DPP10: variants seen among roughly 807,000 people sequenced by gnomAD.
DPP10 encodes dipeptidyl peptidase like 10, also known as inactive dipeptidyl peptidase 10.
In DPP10, 33 loss-of-function variants were observed where a neutral mutation model predicts 120.9. The observed-to-expected ratio is 0.27, with a 90% CI of 0.21 to 0.37. The LOEUF (loss-of-function observed/expected upper bound fraction) is 0.37. Among genes scored for constraint, DPP10 ranks in the 10% least tolerant of loss-of-function variants. The pLI, the probability that DPP10 is intolerant of heterozygous loss-of-function variation, is 1.00. For synonymous variants in DPP10, 337 were observed against 326.1 expected (o/e 1.03, Z -0.36); for missense variants, 816 against 942.8 (o/e 0.87, Z 1.76).
At chr2:115,377,950 C>T (rs1236698370) in intron 3 of DPP10, among the ~76,000 whole-genome samples, 6 of 151,914 alleles carry the variant, frequency 3.9e-5, no homozygotes, top group African/African-American at 1.2e-4. Context: ...GTTTTGGTTA[C>T]TGTAGCCTTG....
At chr2:115,445,366 G>A (rs1222539457) in intron 3 of DPP10, among the ~76,000 whole-genome samples, 3 of 152,044 alleles carry the variant, frequency 2.0e-5, no homozygotes, top group African/African-American at 7.2e-5. Flanking sequence ...CAGTTGGGAG[G>A]GCTCAGAAGA....
At chr2:115,517,935 G>C (rs1558787396) in intron 4 of DPP10, among the ~76,000 whole-genome samples, 2 of 152,168 alleles carry the variant, frequency 1.3e-5, no homozygotes, top group African/African-American at 4.8e-5. Context: ...CGAAAAGCAT[G>C]GCCCTGGCAT....
At chr2:114,950,047 T>C (rs1047920788) in intron 1 of DPP10, among the ~76,000 whole-genome samples, 10 of 152,210 alleles carry the variant, frequency 6.6e-5, no homozygotes, top group Non-Finnish European at 1.3e-4. Flanking sequence ...AAAAAAACTG[T>C]TGAATAATAT....
At chr2:115,742,836 A>T (rs1677458216) in intron 9 of DPP10, among the ~76,000 whole-genome samples, 2 of 152,152 alleles carry the variant, frequency 1.3e-5, no homozygotes, top group Non-Finnish European at 2.9e-5. Flanking sequence ...GAAAATGAGT[A>T]TAGCAAATAC....
intron 1 of DPP10, among the ~76,000 whole-genome samples, chr2:114,750,534 C>A (rs148181143): frequency 6.6e-6 from 1 of 152,210 alleles, no homozygotes; most frequent in Non-Finnish European, 1.5e-5. Flanking sequence ...GGGGTTTCAC[C>A]GTGTTAGCCA....
intron 1 of DPP10, among the ~76,000 whole-genome samples, chr2:115,237,581 G>A (rs950805094): frequency 2.0e-5 from 3 of 152,138 alleles, no homozygotes; most frequent in Non-Finnish European, 4.4e-5. Flanking sequence ...CATGTCAATA[G>A]CCAAGACAGG....
chr2:115,726,590 A>AT (rs2092770597), intron 7 of DPP10, among the ~76,000 whole-genome samples: 1 of 152,004 alleles, frequency 6.6e-6, no homozygotes, highest in Admixed American at 6.6e-5. Flanking sequence ...GTTTTTATTT[A>AT]TTTTTAAATT....
intron 5 of DPP10, among the ~76,000 whole-genome samples, chr2:115,598,860 C>T (rs4849412): frequency 0.99 from 147,082 of 148,844 alleles, 72,698 homozygotes; most frequent in East Asian, 1. Context: ...GTAGGTTTGA[C>T]AGAAATAAAT....
At chr2:115,509,819 C>T (rs184696280) in intron 4 of DPP10, among the ~76,000 whole-genome samples, 2 of 152,286 alleles carry the variant, frequency 1.3e-5, no homozygotes, top group East Asian at 3.9e-4. Context: ...GATTTGCCTT[C>T]CTAGCAATGG....
chr2:114,611,604 T>G (rs764372176), intron 1 of DPP10, among the ~76,000 whole-genome samples: 1 of 152,234 alleles, frequency 6.6e-6, no homozygotes, highest in South Asian at 2.1e-4. Context: ...AAAATATTTA[T>G]GCCAATGGAT....
At chr2:115,794,720 C>G (rs1239647524) in intron 19 of DPP10, among the ~76,000 whole-genome samples, 1 of 152,054 alleles carries the variant, frequency 6.6e-6, no homozygotes, top group Non-Finnish European at 1.5e-5. Context: ...TGTTTTACTC[C>G]TGCCTTTCTG....
intron 5 of DPP10, among the ~76,000 whole-genome samples, chr2:115,646,309 C>G (rs2087252114): frequency 6.6e-6 from 1 of 152,090 alleles, no homozygotes; most frequent in Admixed American, 6.6e-5. Context: ...CATGTTCTAC[C>G]TAGAGCTTTA....
chr2:114,556,718 A>G (rs143521594), intron 1 of DPP10, among the ~76,000 whole-genome samples: 4 of 152,268 alleles, frequency 2.6e-5, no homozygotes, highest in African/African-American at 9.6e-5. Context: ...GTTCTGGGAC[A>G]TTTTCAGATT....
intron 1 of DPP10, chr2:114,833,429 T>C (rs1687319915): frequency 6.6e-6 from 1 of 152,192 alleles, no homozygotes; most frequent in African/African-American, 2.4e-5. Flanking sequence ...ATTAAATTAT[T>C]TCTCTTGAAT....
intron 5 of DPP10, among the ~76,000 whole-genome samples, chr2:115,665,089 T>A (rs1031102845): frequency 1.7e-4 from 26 of 152,214 alleles, no homozygotes; most frequent in African/African-American, 5.8e-4. Context: ...TACAGTTCCC[T>A]GGCATCTTGC....
chr2:115,597,062 G>T (rs1358230838), intron 5 of DPP10, among the ~76,000 whole-genome samples: 7 of 152,166 alleles, frequency 4.6e-5, no homozygotes, highest in Non-Finnish European at 1.5e-5. Flanking sequence ...GGCACAGCTG[G>T]AAGTAAAACG....
At position 115,349,519 on chromosome 2, in the gene DPP10, A is replaced by G. The variant is rs370011423; in HGVS notation, c.271+5607A>G. Among the ~76,000 whole-genome samples, 21 of 152,226 alleles carry G rather than the reference A, an allele frequency of 1.4e-4. No individual in the cohort carries two copies. In the South Asian group the frequency reaches 4.3e-3, roughly 32 times the overall value. On this transcript the variant is annotated intron_variant, in intron 3 of 25. Transcript: ENST00000410059. The stretch of plus-strand genomic sequence containing the variant: ...GGTCTGTAGCCTTGTGGATCTTCAA[A>G]TGGTAGCGATTCATAGAACTGATGT...
intron 2 of DPP10, among the ~76,000 whole-genome samples, chr2:115,310,995 C>T (rs2061553374): frequency 6.6e-6 from 1 of 152,146 alleles, no homozygotes; most frequent in South Asian, 2.1e-4. Flanking sequence ...GAGTTTGATA[C>T]AACAAAGACC....
chr2:115,269,655 A>G (rs1287844594), intron 1 of DPP10, among the ~76,000 whole-genome samples: 2 of 152,150 alleles, frequency 1.3e-5, no homozygotes, highest in African/African-American at 2.4e-5. Context: ...TCCATGGTGA[A>G]CAGTCTAAGA....
Sources: allele counts gnomAD v4.1 joint callset (sites outside exome capture counted in the v4.1 genomes callset), GRCh38; gene constraint gnomAD v4.1.1; transcripts MANE v1.5; gene names NCBI Gene and HGNC (gene_info 2026-07-23, HGNC 2026-07-21).